EPHA3: variants seen among roughly 807,000 people sequenced by gnomAD.
The protein encoded by EPHA3 is ephrin type-A receptor 3.
A neutral mutation model predicts 107.1 loss-of-function variants in EPHA3; 42 were observed. The observed-to-expected ratio is 0.39, with a 90% confidence interval of 0.31 to 0.51. The LOEUF is 0.51. Ranked by LOEUF, EPHA3 falls within the 20% of genes least tolerant of loss-of-function variation. The pLI is 0.78. For missense variants in EPHA3, 1,183 were observed against 1,211.2 expected, an observed-to-expected ratio of 0.98 and a Z score of 0.35; for synonymous variants, 461 against 424.8, an observed-to-expected ratio of 1.09 and a Z score of -1.05.
chr3:89,415,493 A>AT (rs1559687639), intron 10 of EPHA3, among the ~76,000 whole-genome samples: 42 of 93,420 alleles, frequency 4.5e-4, no homozygotes, highest in African/African-American at 1.9e-3. Context: ...TATATATATA[A>AT]GCTAATTCTC....
chr3:89,258,671 C>T (rs530400618), intron 3 of EPHA3, among the ~76,000 whole-genome samples: 112 of 152,180 alleles, frequency 7.4e-4, no homozygotes, highest in Middle Eastern at 3.4e-3. Flanking sequence ...GAATTAAGTA[C>T]GAAAACAAAA....
intron 3 of EPHA3, among the ~76,000 whole-genome samples, chr3:89,212,573 A>C (rs1035983931): frequency 2.2e-5 from 3 of 135,858 alleles, no homozygotes; most frequent in Non-Finnish European, 3.1e-5. Flanking sequence ...ATTTTGTATT[A>C]ATACCAAGGA....
At chr3:89,459,888 G>A (rs1710186701) in intron 15 of EPHA3, among the ~76,000 whole-genome samples, 2 of 152,114 alleles carry the variant, frequency 1.3e-5, no homozygotes, top group East Asian at 1.9e-4. Context: ...ATAGAAAATA[G>A]TCTTAAAATA....
chr3:89,340,955 T>G lies in EPHA3; in HGVS notation c.854T>G (p.Met285Arg), dbSNP rs747973326. Residue 285 changes from methionine to arginine, a missense_variant, in exon 4 of 17, where the codon ATG (methionine) becomes AGG (arginine). By Grantham distance (91) the Met-to-Arg change is moderately conservative. Transcript: ENST00000336596. ...TTCTACAAGGCATTGGATGGTAATATGAAGTGTGCTAAGTGCCCGCCTCAC... is the reference window on the plus strand; with the variant it reads ...TTCTACAAGGCATTGGATGGTAATAGGAAGTGTGCTAAGTGCCCGCCTCAC... ...PGFYKALDGNMKCAKCPPHSS... is the reference protein window; with the variant it reads ...PGFYKALDGNRKCAKCPPHSS... The G allele has an allele frequency of 6.2e-7, 1 of 1,614,094 alleles. No homozygotes were observed. The highest frequency in any genetic ancestry group is 8.5e-7 in the Non-Finnish European group (1 of 1,179,990).
chr3:89,107,710 T>G lies in EPHA3; in HGVS notation c.-39T>G. The G allele has an allele frequency of 2.0e-5, 31 of 1,571,346 alleles. No homozygotes were observed. Among genetic ancestry groups the G allele is most frequent in the Non-Finnish European group, 2.5e-5 (29 of 1,141,516 alleles). On this transcript the variant is annotated 5_prime_UTR_variant, in exon 1 of 17. An upstream start codon of the reference 5' UTR is lost. Transcript: ENST00000336596. ...CCCCTCACATCAGTGGCATGCTTCA[T>G]GGAGATATGCTCCTCTCACTGCCCT...
chr3:89,419,153 A>C, intron 10 of EPHA3, 52 bp from the exon 11 acceptor site: 1 of 1,505,474 alleles, frequency 6.6e-7, no homozygotes, highest in Non-Finnish European at 8.9e-7. Flanking sequence ...TCTACTGATG[A>C]ATTTTTATTA....
intron 2 of EPHA3, among the ~76,000 whole-genome samples, chr3:89,204,779 T>C (rs542444075): frequency 6.6e-6 from 1 of 152,286 alleles, no homozygotes; most frequent in South Asian, 2.1e-4. Flanking sequence ...AAAATGCTGC[T>C]GCCTGGTAAA....
intron 2 of EPHA3, among the ~76,000 whole-genome samples, chr3:89,172,387 C>T (rs762998038): frequency 2.0e-5 from 3 of 152,116 alleles, no homozygotes; most frequent in Non-Finnish European, 2.9e-5. Context: ...GCCTAGGCAG[C>T]CAGGTGGTGG....
At chr3:89,225,132 C>T (rs1427717202) in intron 3 of EPHA3, among the ~76,000 whole-genome samples, 1 of 152,018 alleles carries the variant, frequency 6.6e-6, no homozygotes, top group African/African-American at 2.4e-5. Flanking sequence ...GATCTAAAGA[C>T]GTGAAGGTAG....
chr3:89,450,714 C>A (rs1404495944), intron 15 of EPHA3, among the ~76,000 whole-genome samples: 3 of 151,990 alleles, frequency 2.0e-5, no homozygotes, highest in Non-Finnish European at 2.9e-5. Flanking sequence ...CGAGACCAGC[C>A]TGGCCAACAT....
At chr3:89,373,660 G>A (rs1375178212) in intron 5 of EPHA3, among the ~76,000 whole-genome samples, 2 of 151,716 alleles carry the variant, frequency 1.3e-5, no homozygotes, top group African/African-American at 4.8e-5. Context: ...TCTCCCAGAG[G>A]GAACTCACTT....
At chr3:89,395,528 T>C (rs1025728208) in intron 5 of EPHA3, among the ~76,000 whole-genome samples, 3 of 152,184 alleles carry the variant, frequency 2.0e-5, no homozygotes, top group Non-Finnish European at 2.9e-5. Context: ...ATATATTTCA[T>C]TGCTTACATT....
At chr3:89,316,921 TC>T (rs1706922088) in intron 3 of EPHA3, among the ~76,000 whole-genome samples, 1 of 151,702 alleles carries the variant, frequency 6.6e-6, no homozygotes, top group Admixed American at 6.6e-5. Context: ...ATTTTTGTAC[TC>T]AGTATAAATA....
At chr3:89,442,333 A>G (rs1229010200) in intron 13 of EPHA3, among the ~76,000 whole-genome samples, 1 of 152,156 alleles carries the variant, frequency 6.6e-6, no homozygotes, top group Non-Finnish European at 1.5e-5. Context: ...ATATCCCTAG[A>G]AAGTTGATTT....
At chr3:89,437,652 C>T (rs1009032420) in intron 13 of EPHA3, among the ~76,000 whole-genome samples, 10 of 152,114 alleles carry the variant, frequency 6.6e-5, no homozygotes, top group African/African-American at 2.4e-4. Flanking sequence ...TATATGCATT[C>T]ATGCATCTAT....
intron 3 of EPHA3, among the ~76,000 whole-genome samples, chr3:89,221,136 G>A (rs1346095555): frequency 6.6e-6 from 1 of 152,038 alleles, no homozygotes; most frequent in Non-Finnish European, 1.5e-5. Flanking sequence ...GAGAGGCTGA[G>A]GTACCTGAAG....
At chr3:89,357,624 G>T (rs1707995927) in intron 5 of EPHA3, among the ~76,000 whole-genome samples, 1 of 151,124 alleles carries the variant, frequency 6.6e-6, no homozygotes, top group Non-Finnish European at 1.5e-5. Context: ...ACATATCAAA[G>T]AATAACATTC....
At chr3:89,362,363 C>A (rs1471864055) in intron 5 of EPHA3, among the ~76,000 whole-genome samples, 1 of 151,084 alleles carries the variant, frequency 6.6e-6, no homozygotes, top group African/African-American at 2.4e-5. Flanking sequence ...GCTGCAGTAA[C>A]AACTGCTGCC....
At chr3:89,136,888 G>A (rs1389989860) in intron 2 of EPHA3, among the ~76,000 whole-genome samples, 1 of 151,630 alleles carries the variant, frequency 6.6e-6, no homozygotes, top group African/African-American at 2.4e-5. Context: ...TCAAATAGAA[G>A]ACAAAATTCT....
Sources: allele counts gnomAD v4.1 joint callset (sites outside exome capture counted in the v4.1 genomes callset), GRCh38; gene constraint gnomAD v4.1.1; transcripts MANE v1.5; gene names NCBI Gene and HGNC (gene_info 2026-07-23, HGNC 2026-07-21).